Variants in MAGEA8 observed in about 807,000 individuals in gnomAD.
MAGEA8 encodes MAGE family member A8.
For synonymous variants in MAGEA8, 104 were observed against 102.6 expected, an observed-to-expected ratio of 1.01 and a Z score of -0.08; for missense variants, 229 against 251.1, an observed-to-expected ratio of 0.91 and a Z score of 0.59.
In MAGEA8 at chrX:149,884,091, A is replaced by G. The variant is rs1216731991; in HGVS notation, c.-107A>G. On this transcript the variant is annotated 5_prime_UTR_variant, in exon 2 of 3. Coordinates refer to ENST00000286482, the MANE Select transcript of MAGEA8 (RefSeq NM_005364.5). ...CCTTCAGGTTCGCAGAGAACAGGCC[A>G]GCCAGGAGGTCAGGAGGCCCCAGAG... 53 of 425,924 alleles carry G rather than the reference A, an allele frequency of 1.2e-4. No individual in the cohort carries two copies. Among genetic ancestry groups the G allele is most frequent in the Non-Finnish European group, 1.6e-4 (40 of 244,748 alleles). The allele number at this position is 425,924 out of a possible 1,213,427, so 35.1% of individuals were successfully genotyped here.
At position 149,884,810 on chromosome X, in the gene MAGEA8, A is replaced by C. The variant is rs782353443; in HGVS notation, c.538A>C (p.Ile180Leu). The change falls in exon 3 of 3, where the codon ATC (isoleucine) becomes CTC (leucine). Residue 180 changes from isoleucine to leucine, a missense_variant. Ile to Leu is a conservative substitution (Grantham distance 5, BLOSUM62 2). Coordinates refer to ENST00000286482, the MANE Select transcript of MAGEA8 (RefSeq NM_005364.5). Reference protein sequence around the residue: ...KEVDPAGHSYILVTCLGLSYD... With the variant: ...KEVDPAGHSYLLVTCLGLSYD... ...AGTGGACCCTGCCGGCCACTCCTAC[A>C]TCCTTGTCACCTGCCTGGGCCTCTC... is the stretch of plus-strand genomic sequence containing the variant. The C allele has an allele frequency of 1.7e-6, 2 of 1,211,297 alleles. No individual in the cohort carries two copies. Among genetic ancestry groups the C allele is most frequent in the Non-Finnish European group, 2.2e-6 (2 of 895,236 alleles).
In MAGEA8 at chrX:149,884,998, T is replaced by C. The variant is rs782068342; in HGVS notation, c.726T>C (p.Tyr242=). The change falls in exon 3 of 3, where the codon TAT becomes TAC. Residue 242 remains tyrosine (Y), a synonymous_variant. Coordinates refer to ENST00000286482, the MANE Select transcript of MAGEA8 (RefSeq NM_005364.5). ...ATGATGGGAGGGAGCACAGTGTCTATTGGAAGCTCAGGAAGCTGCTCACCC... is the reference window on the plus strand; with the variant it reads ...ATGATGGGAGGGAGCACAGTGTCTACTGGAAGCTCAGGAAGCTGCTCACCC... ...GLYDGREHSV[Y]WKLRKLLTQE... is the part of the protein sequence containing the mutation. The C allele has an allele frequency of 5.4e-5, 65 of 1,206,859 alleles. No individual in the cohort carries two copies. Among genetic ancestry groups the C allele is most frequent in the Middle Eastern group, 2.3e-4 (1 of 4,356 alleles).
rs918498728 is a variant in MAGEA8 at position 149,884,703 on chromosome X, A to G, written c.431A>G (p.Lys144Arg). Reference protein sequence around the residue: ...TKAEMLESVIKNYKNHFPDIF... With the variant: ...TKAEMLESVIRNYKNHFPDIF... ...GCAGAAATGCTTGAGAGTGTCATCA[A>G]AAATTACAAGAACCACTTTCCTGAT... Residue 144 changes from lysine to arginine, a missense_variant, in exon 3 of 3, where the codon AAA (lysine) becomes AGA (arginine). Physicochemically the swap from Lys to Arg is conservative, Grantham distance 26. Coordinates refer to ENST00000286482, the MANE Select transcript of MAGEA8 (RefSeq NM_005364.5). The G allele has an allele frequency of 2.7e-5, 33 of 1,210,181 alleles. No individual in the cohort carries two copies. Among genetic ancestry groups the G allele is most frequent in the Non-Finnish European group, 3.6e-5 (32 of 895,130 alleles).
Position 149,884,094 on chromosome X carries a change from C to T in MAGEA8, c.-104C>T, listed in dbSNP as rs990325904. ...TCAGGTTCGCAGAGAACAGGCCAGC[C>T]AGGAGGTCAGGAGGCCCCAGAGAAG... On this transcript the variant is annotated 5_prime_UTR_variant, in exon 2 of 3. Transcript: ENST00000286482. 1.4e-5 allele frequency: 6 copies of T among 426,781 alleles called. No homozygotes were observed. In the African/African-American group the frequency reaches 1.5e-4, roughly 11 times the overall value. 35.2% of individuals were successfully genotyped at this position (426,781 alleles called of 1,213,427 possible).
At chrX:149,881,626 G>A (rs868935379) in intron 1 of MAGEA8, among the ~76,000 whole-genome samples, 3,708 of 103,708 alleles carry the variant, frequency 0.036, 132 homozygotes, top group African/African-American at 0.12. Context: ...CGGGCATGGC[G>A]GCCGGGCATG....
chrX:149,881,297 A>T lies in MAGEA8; in HGVS notation c.-126+12A>T, dbSNP rs952881177. The T allele has an allele frequency of 1.8e-5, 2 of 111,552 alleles. No homozygotes were observed. Among genetic ancestry groups the T allele is most frequent in the Non-Finnish European group, 3.8e-5 (2 of 52,952 alleles). The allele number at this position is 111,552 out of a possible 1,213,427, so 9.2% of individuals were successfully genotyped here. The stretch of plus-strand genomic sequence containing the variant: ...TGTGAGGAGGCAAGGTGAGACCCTG[A>T]GGGAGGACTGAGGAGGCCCCCACCC... On this transcript the variant is annotated intron_variant, in intron 1 of 2. Coordinates refer to ENST00000286482, the MANE Select transcript of MAGEA8 (RefSeq NM_005364.5).
chrX:149,881,785 GAGGGGACCCAGGACCCCAGGAC>G (rs2090732554), intron 1 of MAGEA8, among the ~76,000 whole-genome samples: 1 of 110,670 alleles, frequency 9.0e-6, no homozygotes, highest in East Asian at 2.9e-4. Context: ...GAGGAGGCCC[GAGGGGACCCAGGACCCCAGGAC>G]AGGGGGCCCA....
At chrX:149,881,673 T>TGGCGGCCGGGCATGGCGGCCGGGCA in intron 1 of MAGEA8, among the ~76,000 whole-genome samples, 1 of 65,898 alleles carries the variant, frequency 1.5e-5, no homozygotes, top group Admixed American at 1.5e-4. Flanking sequence ...GCGGCCGGGC[T>TGGCGGCCGGGCATGGCGGCCGGGCA]CGCTGATTCT....
Position 149,884,491 on chromosome X carries a change from T to A in MAGEA8, c.219T>A (p.Thr73=). The A allele has an allele frequency of 8.3e-7, 1 of 1,211,466 alleles. No individual in the cohort carries two copies. Among genetic ancestry groups the A allele is most frequent in the African/African-American group, 1.7e-5 (1 of 57,776 alleles). Reference sequence around the variant, plus strand: ...CTGAGGGTGCCTCCTCTTCCCTGACTGTCACCGACAGCACTCTGTGGAGCC... The same window carrying A: ...CTGAGGGTGCCTCCTCTTCCCTGACAGTCACCGACAGCACTCTGTGGAGCC... ...QSPEGASSSL[T]VTDSTLWSQS... is the part of the protein sequence containing the mutation. Residue 73 remains threonine, a synonymous_variant, in exon 3 of 3, where the codon ACT becomes ACA. Transcript: ENST00000286482.
rs782595657 is a variant in MAGEA8 at position 149,885,272 on chromosome X, G to A, written c.*43G>A. On this transcript the variant is annotated 3_prime_UTR_variant, in exon 3 of 3. Transcript: ENST00000286482. Reference sequence around the variant, plus strand: ...GGCCAGTGGGGCAGGTTGTGGGAGGGCCTGGGCCAGTGCACGTTCCAGGGC... The same window carrying A: ...GGCCAGTGGGGCAGGTTGTGGGAGGACCTGGGCCAGTGCACGTTCCAGGGC... 4.9e-6 allele frequency: 5 copies of A among 1,027,674 alleles called. No individual in the cohort carries two copies. The East Asian group carries it at 1.5e-4, about 31-fold the overall frequency. The allele number at this position is 1,027,674 out of a possible 1,213,427, so 84.7% of individuals were successfully genotyped here. A position where few individuals can be genotyped will look rare whatever the true frequency, so the allele number is the denominator to read the frequency against.
chrX:149,882,849 C>T (rs2090739134), intron 1 of MAGEA8, among the ~76,000 whole-genome samples: 1 of 111,031 alleles, frequency 9.0e-6, no homozygotes, highest in African/African-American at 3.3e-5. Context: ...GGGACAGATC[C>T]TAGTGTCACC....
Position 149,885,190 on chromosome X carries a change from C to T in MAGEA8, c.918C>T (p.Ser306=), listed in dbSNP as rs140453811. The change falls in exon 3 of 3, where the codon TCC becomes TCT. Residue 306 remains serine (S), a synonymous_variant. Transcript: ENST00000286482. ...CAAGAGTTCGCATTTCCTACCCATC[C>T]CTGCATGAAGAGGCTTTGGGAGAGG... ...VNARVRISYP[S]LHEEALGEEK... 4,061 of 1,202,109 alleles carry T rather than the reference C, an allele frequency of 3.4e-3. 8 individuals carry two copies. Among genetic ancestry groups the T allele is most frequent in the Non-Finnish European group, 3.8e-3 (3,424 of 891,086 alleles).
chrX:149,885,050 G>T lies in MAGEA8; in HGVS notation c.778G>T (p.Glu260Ter). Residue 260 changes from glutamate (E) to a stop codon, truncating the protein, a stop_gained, in exon 3 of 3, where the codon GAG becomes TAG. Transcript: ENST00000286482. LOFTEE classifies it low-confidence loss of function (END_TRUNC). ...AGAGTGGGTGCAGGAGAACTACCTG[G>T]AGTACCGCCAGGCGCCCGGCAGTGA... ...TQEWVQENYLEYRQAPGSDPV... is the reference protein window; with the variant it reads ...TQEWVQENYL 8.3e-7 allele frequency: 1 copy of T among 1,210,473 alleles called. No individual in the cohort carries two copies. Among genetic ancestry groups the T allele is most frequent in the East Asian group, 3.0e-5 (1 of 33,848 alleles).
chrX:149,882,037 C>T (rs2090734286), intron 1 of MAGEA8, among the ~76,000 whole-genome samples: 1 of 111,135 alleles, frequency 9.0e-6, no homozygotes, highest in Admixed American at 9.4e-5. Context: ...GCTGCATTTT[C>T]AGGGTGTCAG....
In MAGEA8 at chrX:149,884,672, A is replaced by G; in HGVS notation, c.400A>G (p.Thr134Ala). 1 of 1,211,889 alleles carries G rather than the reference A, an allele frequency of 8.3e-7. No individual in the cohort carries two copies. The highest frequency in any genetic ancestry group is 1.1e-6 in the Non-Finnish European group (1 of 895,395). Residue 134 changes from threonine (T) to alanine (A), a missense_variant, in exon 3 of 3, where the codon ACA becomes GCA. Physicochemically the swap from Thr to Ala is moderately conservative, Grantham distance 58 (BLOSUM62 0). Coordinates refer to ENST00000286482, the MANE Select transcript of MAGEA8 (RefSeq NM_005364.5). ...LRKYQIKEPV[T>A]KAEMLESVIK... The stretch of plus-strand genomic sequence containing the variant: ...CAAATATCAAATTAAGGAGCCGGTC[A>G]CAAAGGCAGAAATGCTTGAGAGTGT...
chrX:149,881,618 G>GCATGGCGGCCGGGCATGGCGGCCGA (rs2090729230), intron 1 of MAGEA8, among the ~76,000 whole-genome samples: 1 of 96,861 alleles, frequency 1.0e-5, no homozygotes, highest in Non-Finnish European at 2.2e-5. Flanking sequence ...ATGGCGGCCG[G>GCATGGCGGCCGGGCATGGCGGCCGA]GCATGGCGGC....
At chrX:149,881,648 TGGCGGCCG>T (rs1411447243) in intron 1 of MAGEA8, among the ~76,000 whole-genome samples, 2 of 100,047 alleles carry the variant, frequency 2.0e-5, no homozygotes, top group Non-Finnish European at 4.2e-5. Flanking sequence ...CGGCCGGGCA[TGGCGGCCG>T]GGCATGGCGG....
intron 1 of MAGEA8, among the ~76,000 whole-genome samples, chrX:149,881,566 C>T (rs936495740): frequency 9.6e-5 from 10 of 104,268 alleles, no homozygotes; most frequent in African/African-American, 3.5e-4. Context: ...CATCTCTGCC[C>T]CTACTGTCAG....
chrX:149,882,068 G>GA (rs1285445889), intron 1 of MAGEA8, among the ~76,000 whole-genome samples: 1 of 111,005 alleles, frequency 9.0e-6, no homozygotes, highest in East Asian at 2.9e-4. Context: ...GCTGTGGTCT[G>GA]AGGAGTGGAG....
Sources: allele counts gnomAD v4.1 joint callset (sites outside exome capture counted in the v4.1 genomes callset), GRCh38; gene constraint gnomAD v4.1.1; transcripts MANE v1.5; gene names NCBI Gene and HGNC (gene_info 2026-07-23, HGNC 2026-07-21).